NR3C2: variants seen among roughly 807,000 people sequenced by gnomAD.
NR3C2 encodes the protein nuclear receptor subfamily 3 group C member 2, also known as mineralocorticoid receptor.
NR3C2 carries 15 observed loss-of-function variants against 86.4 expected under a neutral mutation model. The observed-to-expected ratio is 0.17, with a 90% confidence interval of 0.12 to 0.27. The LOEUF is 0.27. Ranked by LOEUF, NR3C2 falls within the 10% of genes least tolerant of loss-of-function variation. NR3C2 has a pLI of 1.00. For synonymous variants in NR3C2, 458 were observed against 450.5 expected, an observed-to-expected ratio of 1.02 and a Z score of -0.21; for missense variants, 960 against 1,195.6, an observed-to-expected ratio of 0.80 and a Z score of 2.91.
At chr4:148,257,599 A>C (rs974788802) in intron 3 of NR3C2, among the ~76,000 whole-genome samples, 6 of 152,164 alleles carry the variant, frequency 3.9e-5, no homozygotes, top group Non-Finnish European at 8.8e-5. Context: ...CCTATATACC[A>C]TGATTTTGTG....
intron 2 of NR3C2, among the ~76,000 whole-genome samples, chr4:148,299,458 C>T (rs1414082065): frequency 1.3e-5 from 2 of 152,108 alleles, no homozygotes; most frequent in Admixed American, 1.3e-4. Context: ...GTAATGGCAC[C>T]ACCTCACCCA....
chr4:148,319,465 G>C (rs887418782), intron 2 of NR3C2, among the ~76,000 whole-genome samples: 8 of 151,368 alleles, frequency 5.3e-5, no homozygotes, highest in Non-Finnish European at 1.2e-4. Context: ...AATTACCTTG[G>C]GCAGTATGGC....
At chr4:148,183,177 T>G (rs1735723890) in intron 4 of NR3C2, among the ~76,000 whole-genome samples, 1 of 152,212 alleles carries the variant, frequency 6.6e-6, no homozygotes, top group African/African-American at 2.4e-5. Flanking sequence ...CTGCATAGTA[T>G]TCCATGGTGT....
At position 148,154,683 on chromosome 4, in the gene NR3C2, T is replaced by C; in HGVS notation, c.2233A>G (p.Ile745Val). Reference sequence around the variant, plus strand: ...CCTGCATATACAATTTCAGGTTCAATGTTTTCAAGGACCATAACGGGGGAA... The same window carrying C: ...CCTGCATATACAATTTCAGGTTCAACGTTTTCAAGGACCATAACGGGGGAA... Reference protein sequence around the residue: ...TPSPVMVLENIEPEIVYAGYD... With the variant: ...TPSPVMVLENVEPEIVYAGYD... Residue 745 changes from isoleucine to valine, a missense_variant, in exon 5 of 9, where the codon ATT becomes GTT. Around this residue, in one of 4 missense-constraint regions of NR3C2, gnomAD observed 151 missense variants for 296.3 expected, o/e 0.51. Transcript: ENST00000358102. 6.2e-7 allele frequency: 1 copy of C among 1,614,160 alleles called. No homozygotes were observed. Among genetic ancestry groups the C allele is most frequent in the Non-Finnish European group, 8.5e-7 (1 of 1,180,030 alleles).
intron 6 of NR3C2, among the ~76,000 whole-genome samples, chr4:148,148,984 A>G (rs186317879): frequency 4.1e-4 from 62 of 152,326 alleles, no homozygotes; most frequent in African/African-American, 1.2e-3. Context: ...TTCCCTAAAA[A>G]ATACAGGGTC....
chr4:148,357,582 T>C lies in NR3C2; in HGVS notation c.1757+77522A>G, dbSNP rs534718997. ...CTCCAAATATAATACATTTCTGTGA[T>C]ATCGAAAACTTTTAAACTTCTTCCT... On this transcript the variant is annotated intron_variant, in intron 2 of 8. Transcript: ENST00000358102. Among the ~76,000 whole-genome samples, 8 of 152,332 alleles carry C rather than the reference T, an allele frequency of 5.3e-5. No individual in the cohort carries two copies. In the South Asian group the frequency reaches 1.4e-3, roughly 28 times the overall value.
At chr4:148,179,266 G>A (rs1041961887) in intron 4 of NR3C2, among the ~76,000 whole-genome samples, 1 of 151,428 alleles carries the variant, frequency 6.6e-6, no homozygotes, top group East Asian at 1.9e-4. Flanking sequence ...AGGACAGTTC[G>A]GATTATAGGT....
At chr4:148,431,453 G>C (rs1455862715) in intron 2 of NR3C2, among the ~76,000 whole-genome samples, 1 of 152,144 alleles carries the variant, frequency 6.6e-6, no homozygotes, top group Non-Finnish European at 1.5e-5. Context: ...ACTTTAAAAT[G>C]AAGAAACTGA....
intron 2 of NR3C2, among the ~76,000 whole-genome samples, chr4:148,402,412 C>G (rs1449939555): frequency 6.6e-6 from 1 of 152,138 alleles, no homozygotes; most frequent in Non-Finnish European, 1.5e-5. Context: ...ATATCTGACC[C>G]AGATATGTCT....
Position 148,236,902 on chromosome 4 carries a change from G to A in NR3C2, c.1897+23076C>T, listed in dbSNP as rs560482498. Among the ~76,000 whole-genome samples the A allele has an allele frequency of 2.0e-5, 3 of 152,322 alleles. No individual in the cohort carries two copies. In the South Asian group the frequency reaches 6.2e-4, roughly 32 times the overall value. On this transcript the variant is annotated intron_variant, in intron 3 of 8. Transcript: ENST00000358102. ...TTAATGGGATTGAAGTACATTCCCA[G>A]TTCTTAAGGGGCTATCATCAATTCT...
chr4:148,317,843 T>C (rs1283302024), intron 2 of NR3C2, among the ~76,000 whole-genome samples: 4 of 152,128 alleles, frequency 2.6e-5, no homozygotes, highest in South Asian at 2.1e-4. Flanking sequence ...ACCTTAAATT[T>C]TGAATATGTG....
intron 3 of NR3C2, among the ~76,000 whole-genome samples, chr4:148,245,737 A>G (rs1739283098): frequency 1.3e-5 from 2 of 152,216 alleles, no homozygotes; most frequent in Admixed American, 1.3e-4. Context: ...GCAGGTGTCA[A>G]GCAAAACCTT....
At chr4:148,095,373 T>G (rs1184471859) in intron 8 of NR3C2, among the ~76,000 whole-genome samples, 1 of 152,134 alleles carries the variant, frequency 6.6e-6, no homozygotes, top group Non-Finnish European at 1.5e-5. Context: ...TTTAGCAGCA[T>G]TTGATTTGTT....
intron 2 of NR3C2, among the ~76,000 whole-genome samples, chr4:148,375,583 A>T (rs1391470480): frequency 7.9e-5 from 12 of 152,174 alleles, no homozygotes; most frequent in Admixed American, 3.3e-4. Flanking sequence ...GATTTCTGAC[A>T]TCTCTCTTTT....
chr4:148,194,809 G>A lies in NR3C2; in HGVS notation c.1951C>T (p.Arg651Ter), dbSNP rs1131691921. Residue 651 changes from arginine to a stop codon, truncating the protein, a stop_gained, in exon 4 of 9, where the codon CGA becomes TGA. Transcript: ENST00000358102. LOFTEE classifies it high-confidence loss of function. ...CTGCAAGCAGGACAATTCTTTCGTCGAATCTTATCAATGATGCAATCATTT... is the reference window on the plus strand; with the variant it reads ...CTGCAAGCAGGACAATTCTTTCGTCAAATCTTATCAATGATGCAATCATTT... The part of the protein sequence containing the change: ...GRNDCIIDKI[R>*]RKNCPACRLQ... The A allele has an allele frequency of 6.2e-7, 1 of 1,612,422 alleles. No individual in the cohort carries two copies. The highest frequency in any genetic ancestry group is 8.5e-7 in the Non-Finnish European group (1 of 1,179,794).
chr4:148,088,536 T>C (rs1730919506), intron 8 of NR3C2, among the ~76,000 whole-genome samples: 1 of 151,838 alleles, frequency 6.6e-6, no homozygotes. Context: ...TATGCAGCCA[T>C]AAAAAGGATG....
intron 6 of NR3C2, among the ~76,000 whole-genome samples, chr4:148,142,358 G>A (rs541187666): frequency 6.6e-6 from 1 of 152,088 alleles, no homozygotes; most frequent in South Asian, 2.1e-4. Context: ...CAGACCTGAC[G>A]GACAGCTCTA....
Position 148,373,081 on chromosome 4 carries a change from C to T in NR3C2, c.1757+62023G>A, listed in dbSNP as rs114241088. On this transcript the variant is annotated intron_variant, in intron 2 of 8. Coordinates refer to ENST00000358102, the MANE Select transcript of NR3C2 (RefSeq NM_000901.5). ...TTAAACATTACTTCTTAAAGCAATG[C>T]TATACTCTGATTTCCTCCTGAATAA... Among the ~76,000 whole-genome samples, 1,018 of 152,248 alleles carry T rather than the reference C, an allele frequency of 6.7e-3. 4 individuals carry two copies. Among genetic ancestry groups the T allele is most frequent in the African/African-American group, 0.021 (871 of 41,550 alleles).
At chr4:148,256,910 A>C (rs187548311) in intron 3 of NR3C2, among the ~76,000 whole-genome samples, 7 of 152,300 alleles carry the variant, frequency 4.6e-5, no homozygotes, top group East Asian at 3.9e-4. Flanking sequence ...CACACACACA[A>C]AAATTTATAC....
Sources: allele counts gnomAD v4.1 joint callset (sites outside exome capture counted in the v4.1 genomes callset), GRCh38; gene constraint gnomAD v4.1.1; regional missense constraint gnomAD v4.1.1; transcripts MANE v1.5; gene names NCBI Gene and HGNC (gene_info 2026-07-23, HGNC 2026-07-21).